Variants in SEC24B observed in about 807,000 individuals in gnomAD.
SEC24B encodes the protein SEC24 homolog B, COPII component.
Under a neutral mutation model 142.8 loss-of-function variants are expected in SEC24B, and 45 were observed. That is an observed-to-expected ratio of 0.32 (90% CI 0.25 to 0.40). SEC24B has a LOEUF of 0.40. Ranked by LOEUF, SEC24B falls within the 10% of genes least tolerant of loss-of-function variation. The pLI, the probability that SEC24B is intolerant of heterozygous loss-of-function variation, is 1.00. For synonymous variants in SEC24B, 574 were observed against 568.2 expected, an observed-to-expected ratio of 1.01 and a Z score of -0.15; for missense variants, 1,409 against 1,526.8, an observed-to-expected ratio of 0.92 and a Z score of 1.29.
chr4:109,445,495 G>A (rs892792691), intron 1 of SEC24B, among the ~76,000 whole-genome samples: 57 of 144,498 alleles, frequency 3.9e-4, no homozygotes, highest in African/African-American at 1.3e-3. Flanking sequence ...CTCGTGATCC[G>A]CCCGTCTCAG....
At chr4:109,486,430 T>G (rs1173270779) in intron 4 of SEC24B, among the ~76,000 whole-genome samples, 1 of 152,218 alleles carries the variant, frequency 6.6e-6, no homozygotes, top group East Asian at 1.9e-4. Context: ...TTTTAAAGGC[T>G]TAATTGCTTT....
chr4:109,464,708 A>G (rs1310354438), intron 2 of SEC24B, among the ~76,000 whole-genome samples: 1 of 152,226 alleles, frequency 6.6e-6, no homozygotes, highest in Non-Finnish European at 1.5e-5. Context: ...CTGGATAGCC[A>G]TGTGTCAAAG....
Position 109,507,946 on chromosome 4 carries a change from A to G in SEC24B, c.1673+1434A>G, listed in dbSNP as rs183058002. ...AGGCGTGAGCCACTGTGCCCAGCCT[A>G]TTTCCCTTTTCTTAAAGCAGTAGTT... On this transcript the variant is annotated intron_variant, in intron 7 of 23. Transcript: ENST00000265175. Among the ~76,000 whole-genome samples, 26 of 152,166 alleles carry G rather than the reference A, an allele frequency of 1.7e-4. 1 individual carries two copies. Among genetic ancestry groups the G allele is most frequent in the Admixed American group, 5.9e-4 (9 of 15,284 alleles).
chr4:109,455,516 C>CA (rs1248761442), intron 1 of SEC24B, among the ~76,000 whole-genome samples: 1 of 152,202 alleles, frequency 6.6e-6, no homozygotes, highest in African/African-American at 2.4e-5. Flanking sequence ...GCTGGGATTA[C>CA]AGGCATGAGC....
chr4:109,524,241 C>T (rs1413786901), intron 14 of SEC24B, among the ~76,000 whole-genome samples: 1 of 152,016 alleles, frequency 6.6e-6, no homozygotes, highest in Admixed American at 6.6e-5. Flanking sequence ...TCCTTAATTC[C>T]TTATATTAGA....
chr4:109,496,980 T>C (rs948324360), intron 6 of SEC24B, among the ~76,000 whole-genome samples: 1 of 152,170 alleles, frequency 6.6e-6, no homozygotes, highest in East Asian at 1.9e-4. Flanking sequence ...GAAAAAAAAA[T>C]TATTTTGAAA....
At chr4:109,461,494 A>G (rs1731252957) in intron 1 of SEC24B, among the ~76,000 whole-genome samples, 1 of 152,222 alleles carries the variant, frequency 6.6e-6, no homozygotes, top group Non-Finnish European at 1.5e-5. Context: ...AAAGTACTAT[A>G]TGTAAATTTT....
chr4:109,536,075 TTGA>T (rs1725502743), intron 22 of SEC24B, among the ~76,000 whole-genome samples: 1 of 146,304 alleles, frequency 6.8e-6, no homozygotes, highest in African/African-American at 2.6e-5. Context: ...CTGTCATTGT[TTGA>T]TTTTTTTTTA....
At chr4:109,437,705 A>G (rs10452150) in intron 1 of SEC24B, among the ~76,000 whole-genome samples, 13,762 of 149,926 alleles carry the variant, frequency 0.092, 703 homozygotes, top group Middle Eastern at 0.19. Context: ...GCTCACTGCA[A>G]CCTCCACCTC....
chr4:109,453,517 T>C (rs1730348219), intron 1 of SEC24B, among the ~76,000 whole-genome samples: 1 of 141,584 alleles, frequency 7.1e-6, no homozygotes, highest in Admixed American at 7.5e-5. Context: ...GATATTTCTC[T>C]TACCCGTGTT....
chr4:109,449,054 T>TCGTAAGAA (rs1482764639), intron 1 of SEC24B, among the ~76,000 whole-genome samples: 1 of 152,218 alleles, frequency 6.6e-6, no homozygotes, highest in African/African-American at 2.4e-5. Context: ...TGTATGAATT[T>TCGTAAGAA]TTCGTAAGAA....
rs1394279292 is a variant in SEC24B, at chr4:109,473,072, A to G, written c.946A>G (p.Thr316Ala). 6.2e-7 allele frequency: 1 copy of G among 1,606,106 alleles called. No individual in the cohort carries two copies. Among genetic ancestry groups the G allele is most frequent in the Non-Finnish European group, 8.5e-7 (1 of 1,176,264 alleles). The change falls in exon 3 of 24, where the codon ACT becomes GCT. Residue 316 changes from threonine to alanine, a missense_variant. Thr to Ala is a moderately conservative substitution (Grantham distance 58). Coordinates refer to ENST00000265175, the MANE Select transcript of SEC24B (RefSeq NM_006323.5). ...QPPKSSPVVS[T>A]VLSGSSGSSS... ...TCCCAAGTCCAGCCCAGTGGTATCC[A>G]CTGTTTTATCAGGATCCTCAGGATC... is the stretch of plus-strand genomic sequence containing the variant.
At chr4:109,440,257 C>A (rs1245284211) in intron 1 of SEC24B, among the ~76,000 whole-genome samples, 1 of 152,128 alleles carries the variant, frequency 6.6e-6, no homozygotes, top group Admixed American at 6.5e-5. Context: ...TTCCTCTCCC[C>A]CCAAGTTTCT....
chr4:109,521,258 A>T lies in SEC24B; in HGVS notation c.2301+86A>T. On this transcript the variant is annotated intron_variant, in intron 13 of 23. Transcript: ENST00000265175. Reference sequence around the variant, plus strand: ...TATTTAACATTTGTTTACTTGATATATTAGTATTACAAATAATAGACAATA... The same window carrying T: ...TATTTAACATTTGTTTACTTGATATTTTAGTATTACAAATAATAGACAATA... 4 of 1,008,018 alleles carry T rather than the reference A, an allele frequency of 4.0e-6. No individual in the cohort carries two copies. The South Asian group carries it at 5.9e-5, about 15-fold the overall frequency. 62.4% of individuals were successfully genotyped at this position (1,008,018 alleles called of 1,614,324 possible). A position where few individuals can be genotyped will look rare whatever the true frequency, so the allele number is the denominator to read the frequency against.
chr4:109,491,093 G>T (rs1734973842), intron 4 of SEC24B, among the ~76,000 whole-genome samples: 1 of 152,086 alleles, frequency 6.6e-6, no homozygotes, highest in Non-Finnish European at 1.5e-5. Context: ...TACTTTACAT[G>T]TTTAACTGAA....
chr4:109,486,054 C>A (rs1239086248), intron 4 of SEC24B, among the ~76,000 whole-genome samples: 2 of 151,950 alleles, frequency 1.3e-5, no homozygotes, highest in Non-Finnish European at 2.9e-5. Context: ...TGTTTTTTCC[C>A]CCTCTGTAGC....
chr4:109,449,236 T>C (rs925009217), intron 1 of SEC24B, among the ~76,000 whole-genome samples: 5 of 152,078 alleles, frequency 3.3e-5, no homozygotes, highest in African/African-American at 7.2e-5. Flanking sequence ...ACATTTCTTT[T>C]CTTCTTTGAG....
chr4:109,447,672 C>T (rs1364701874), intron 1 of SEC24B, among the ~76,000 whole-genome samples: 1 of 152,106 alleles, frequency 6.6e-6, no homozygotes, highest in Non-Finnish European at 1.5e-5. Flanking sequence ...TAAGGCATAC[C>T]TCTTGAAAAT....
intron 2 of SEC24B, 45 bp downstream of exon 2, chr4:109,463,689 G>A (rs746732305): frequency 6.4e-7 from 1 of 1,574,166 alleles, no homozygotes; most frequent in Non-Finnish European, 8.6e-7. Context: ...GAAAATCAGT[G>A]CATTCCCAAT....
Sources: allele counts gnomAD v4.1 joint callset (sites outside exome capture counted in the v4.1 genomes callset), GRCh38; gene constraint gnomAD v4.1.1; transcripts MANE v1.5; gene names NCBI Gene and HGNC (gene_info 2026-07-23, HGNC 2026-07-21).